Variants in CNTN3 observed in about 807,000 individuals in gnomAD.
The protein encoded by CNTN3 is contactin 3, also known as contactin-3.
Under a neutral mutation model 119.1 loss-of-function variants are expected in CNTN3, and 60 were observed. The observed-to-expected ratio is 0.50, with a 90% CI of 0.41 to 0.62. The LOEUF (loss-of-function observed/expected upper bound fraction) is 0.62. CNTN3 is among the 20% of genes least tolerant of loss of function. The pLI is 0.00. For missense variants in CNTN3, 1,101 were observed against 1,242.4 expected, an observed-to-expected ratio of 0.89 and a Z score of 1.71; for synonymous variants, 450 against 438.7, an observed-to-expected ratio of 1.03 and a Z score of -0.32.
At chr3:74,387,398 A>G (rs1575678282) in intron 5 of CNTN3, among the ~76,000 whole-genome samples, 1 of 152,264 alleles carries the variant, frequency 6.6e-6, no homozygotes, top group Non-Finnish European at 1.5e-5. Flanking sequence ...AAATGTTCCA[A>G]AAAAACTCAT....
At chr3:74,289,885 GT>G (rs1477386983) in intron 19 of CNTN3, among the ~76,000 whole-genome samples, 2 of 152,212 alleles carry the variant, frequency 1.3e-5, no homozygotes, top group African/African-American at 4.8e-5. Flanking sequence ...TCCTTGTAGA[GT>G]TTGTATTCAA....
chr3:74,588,856 A>T (rs536092850), intron 1 of CNTN3, among the ~76,000 whole-genome samples: 21 of 152,352 alleles, frequency 1.4e-4, no homozygotes, highest in African/African-American at 5.0e-4. Context: ...GCAATGGGGA[A>T]AGGATTCCCT....
intron 8 of CNTN3, among the ~76,000 whole-genome samples, chr3:74,367,412 A>C (rs1391733048): frequency 6.6e-6 from 1 of 152,008 alleles, no homozygotes; most frequent in African/African-American, 2.4e-5. Flanking sequence ...CTCTTCCATC[A>C]CCTCACATTG....
chr3:74,482,169 TAAAGCCAA>T, intron 4 of CNTN3, among the ~76,000 whole-genome samples: 1 of 151,916 alleles, frequency 6.6e-6, no homozygotes, highest in East Asian at 1.9e-4. Context: ...ACTTTGAAAG[TAAAGCCAA>T]AAAAGGATAG....
intron 4 of CNTN3, among the ~76,000 whole-genome samples, chr3:74,445,281 T>C (rs997703518): frequency 3.9e-5 from 6 of 152,114 alleles, no homozygotes; most frequent in Middle Eastern, 3.2e-3. Context: ...GGTTTTTTTT[T>C]AGACAGGGTC....
intron 2 of CNTN3, among the ~76,000 whole-genome samples, chr3:74,509,313 C>CTTTTT (rs11318453): frequency 8.5e-6 from 1 of 117,148 alleles, no homozygotes; most frequent in Non-Finnish European, 1.8e-5. Flanking sequence ...CCTTTCCTTT[C>CTTTTT]TTTTTTTTTT....
At position 74,369,278 on chromosome 3, in the gene CNTN3, T is replaced by C. The variant is rs374749740; in HGVS notation, c.857A>G (p.Asn286Ser). 1.9e-6 allele frequency: 3 copies of C among 1,611,554 alleles called. No individual in the cohort carries two copies. The highest frequency in any genetic ancestry group is 1.7e-5 in the Admixed American group (1 of 59,604). The stretch of plus-strand genomic sequence containing the variant: ...GGAACCTGCATCTTCCTGTTGGAAG[T>C]TGGGGATTTCAAGCACACCACTGAA... ...RKFSGVLEIPNFQQEDAGSYE... is the reference protein window; with the variant it reads ...RKFSGVLEIPSFQQEDAGSYE... The change falls in exon 8 of 23, where the codon AAC (asparagine) becomes AGC (serine). Residue 286 changes from asparagine (N) to serine (S), a missense_variant. By Grantham distance (46) the Asn-to-Ser change is conservative (BLOSUM62 1). Coordinates refer to ENST00000263665, the MANE Select transcript of CNTN3 (RefSeq NM_020872.3).
chr3:74,296,938 T>C (rs1702350716), intron 18 of CNTN3, among the ~76,000 whole-genome samples: 1 of 152,110 alleles, frequency 6.6e-6, no homozygotes, highest in African/African-American at 2.4e-5. Context: ...AATGGCAATT[T>C]TGCATAATTC....
chr3:74,582,052 A>T (rs1041156676), intron 1 of CNTN3, among the ~76,000 whole-genome samples: 10 of 152,186 alleles, frequency 6.6e-5, no homozygotes, highest in Non-Finnish European at 1.2e-4. Context: ...CAAAATGTTA[A>T]TCTCAAAACT....
At chr3:74,511,436 T>C (rs1458304697) in intron 2 of CNTN3, among the ~76,000 whole-genome samples, 3 of 152,148 alleles carry the variant, frequency 2.0e-5, no homozygotes, top group Non-Finnish European at 4.4e-5. Flanking sequence ...CATAAAGTCT[T>C]GAAGGTACAT....
At chr3:74,537,389 T>C (rs1009874439) in intron 1 of CNTN3, among the ~76,000 whole-genome samples, 1 of 152,166 alleles carries the variant, frequency 6.6e-6, no homozygotes, top group South Asian at 2.1e-4. Context: ...CCTGGTCCAC[T>C]GAATCATAAT....
At chr3:74,310,491 T>C (rs947730320) in intron 13 of CNTN3, among the ~76,000 whole-genome samples, 2 of 152,130 alleles carry the variant, frequency 1.3e-5, no homozygotes, top group Non-Finnish European at 2.9e-5. Context: ...ACCAGCAAGT[T>C]GGTATTGGCT....
chr3:74,607,933 C>A (rs148082736), intron 1 of CNTN3, among the ~76,000 whole-genome samples: 9 of 152,152 alleles, frequency 5.9e-5, no homozygotes, highest in Non-Finnish European at 1.2e-4. Flanking sequence ...ATGATGACAA[C>A]TGAATAAGGT....
At chr3:74,392,653 G>C (rs1704943423) in intron 5 of CNTN3, among the ~76,000 whole-genome samples, 2 of 152,186 alleles carry the variant, frequency 1.3e-5, no homozygotes, top group African/African-American at 4.8e-5. Context: ...CATTCTAGTA[G>C]TGGGAGGTAG....
At chr3:74,528,533 T>C (rs1703651707) in intron 1 of CNTN3, among the ~76,000 whole-genome samples, 1 of 151,936 alleles carries the variant, frequency 6.6e-6, no homozygotes, top group East Asian at 2.0e-4. Flanking sequence ...ACTATAATCC[T>C]CACAACCACT....
intron 11 of CNTN3, among the ~76,000 whole-genome samples, chr3:74,344,133 T>G (rs1446399259): frequency 6.6e-6 from 1 of 152,178 alleles, no homozygotes; most frequent in Non-Finnish European, 1.5e-5. Flanking sequence ...GGATACAGAT[T>G]ATGAAATGTT....
At chr3:74,570,497 GAA>G (rs34446548) in intron 1 of CNTN3, among the ~76,000 whole-genome samples, 3 of 143,414 alleles carry the variant, frequency 2.1e-5, no homozygotes, top group Admixed American at 1.4e-4. Context: ...TTAAATGCGG[GAA>G]AAAAAAATCA....
intron 11 of CNTN3, among the ~76,000 whole-genome samples, chr3:74,343,877 G>A (rs11717820): frequency 0.28 from 42,549 of 152,008 alleles, 6,169 homozygotes; most frequent in Non-Finnish European, 0.32. Context: ...CAGGGACTGC[G>A]CTTTGAGAGA....
At chr3:74,605,330 T>C (rs548513081) in intron 1 of CNTN3, among the ~76,000 whole-genome samples, 1 of 152,256 alleles carries the variant, frequency 6.6e-6, no homozygotes, top group South Asian at 2.1e-4. Flanking sequence ...ATATAATATG[T>C]TATTTAGCTC....
Sources: gnomAD v4.1 joint callset for allele counts (sites outside exome capture counted in the v4.1 genomes callset) on GRCh38, gnomAD v4.1.1 for gene constraint, MANE v1.5 for transcripts, NCBI Gene and HGNC (gene_info 2026-07-23, HGNC 2026-07-21) for gene names.